DNAJB6: variants seen among roughly 807,000 people sequenced by gnomAD.
DNAJB6 encodes dnaJ homolog subfamily B member 6.
In DNAJB6, 16 loss-of-function variants were observed where a neutral mutation model predicts 42.7. The ratio of observed to expected loss-of-function variants is 0.37; its 90% CI spans 0.25 to 0.57. The LOEUF is 0.57. Ranked by LOEUF, DNAJB6 falls within the 20% of genes least tolerant of loss-of-function variation. DNAJB6 has a pLI of 0.74. For synonymous variants in DNAJB6, 170 were observed against 163.5 expected (o/e 1.04, Z -0.30); for missense variants, 347 against 416.8 (o/e 0.83, Z 1.46).
chr7:157,401,989 T>G (rs950578522), intron 8 of DNAJB6, among the ~76,000 whole-genome samples: 18 of 152,176 alleles, frequency 1.2e-4, no homozygotes, highest in African/African-American at 4.3e-4. Context: ...CAGAAGGCCT[T>G]GAGGGCTCCT....
At chr7:157,355,650 C>T (rs1397820784) in intron 1 of DNAJB6, among the ~76,000 whole-genome samples, 3 of 152,112 alleles carry the variant, frequency 2.0e-5, no homozygotes, top group African/African-American at 7.2e-5. Flanking sequence ...GGGGATGAGT[C>T]CAGGCAAGGA....
Position 157,382,261 on chromosome 7 carries a change from ACT to A in DNAJB6, c.363_364del (p.Phe122LeufsTer36), listed in dbSNP as rs1238397120. 6.2e-7 allele frequency: 1 copy of A among 1,601,178 alleles called. No homozygotes were observed. Among genetic ancestry groups the A allele is most frequent in the African/African-American group, 1.4e-5 (1 of 73,754 alleles). On this transcript the variant is annotated frameshift_variant, in exon 6 of 10. Transcript: ENST00000262177. LOFTEE classifies it high-confidence loss of function. ...TTGATTTTAGAAGACCCTTTTGAGG[ACT>A]TCTTTGGGAATCGAAGGGGTCCCCG... is the stretch of plus-strand genomic sequence containing the variant.
At chr7:157,340,405 A>G (rs1196538716) in intron 1 of DNAJB6, among the ~76,000 whole-genome samples, 1 of 152,214 alleles carries the variant, frequency 6.6e-6, no homozygotes. Flanking sequence ...GAGAATATCA[A>G]ACTCAAAAAA....
chr7:157,388,597 T>A (rs1286458800), intron 8 of DNAJB6, among the ~76,000 whole-genome samples: 2 of 150,882 alleles, frequency 1.3e-5, no homozygotes, highest in South Asian at 4.3e-4. Context: ...TTAAGTTTTA[T>A]TTTTAAAGTC....
intron 1 of DNAJB6, among the ~76,000 whole-genome samples, chr7:157,354,116 T>A (rs1208358347): frequency 6.6e-6 from 1 of 152,166 alleles, no homozygotes; most frequent in African/African-American, 2.4e-5. Context: ...TCTGTTGTGA[T>A]AATAATCTAC....
chr7:157,408,268 C>T (rs963176364), intron 8 of DNAJB6, among the ~76,000 whole-genome samples: 4 of 152,148 alleles, frequency 2.6e-5, no homozygotes, highest in Admixed American at 1.3e-4. Context: ...CCTGCGTTTA[C>T]GGTGCTTGGT....
intron 1 of DNAJB6, among the ~76,000 whole-genome samples, chr7:157,338,391 T>C (rs1798162547): frequency 6.6e-6 from 1 of 151,648 alleles, no homozygotes; most frequent in Non-Finnish European, 1.5e-5. Context: ...CAGAGTGCAG[T>C]GGCGCGATCT....
At chr7:157,353,349 A>G (rs1223126390) in intron 1 of DNAJB6, among the ~76,000 whole-genome samples, 2 of 152,148 alleles carry the variant, frequency 1.3e-5, no homozygotes, top group Admixed American at 1.3e-4. Flanking sequence ...TTTCCTGTAT[A>G]CCATTCACCC....
Position 157,409,901 on chromosome 7 carries a change from C to T in DNAJB6, c.798C>T (p.Ala266=), listed in dbSNP as rs775087124. 38 of 1,534,472 alleles carry T rather than the reference C, an allele frequency of 2.5e-5. 1 individual carries two copies. In the South Asian group the frequency reaches 3.0e-4, roughly 12 times the overall value. The change falls in exon 9 of 10, where the codon GCC becomes GCT. Residue 266 remains alanine, a synonymous_variant. Transcript: ENST00000262177. ...GLRPPKPPRP[A]SLLRHAPHCL... ...GCCCGCCGAAGCCGCCCCGGCCTGC[C>T]TCGCTGCTGAGACACGCGCCTCACT...
At chr7:157,339,336 C>T (rs1798222633) in intron 1 of DNAJB6, among the ~76,000 whole-genome samples, 2 of 139,238 alleles carry the variant, frequency 1.4e-5, no homozygotes, top group Admixed American at 1.6e-4. Context: ...CTCTGTCGCC[C>T]AGGCCGTAAT....
In DNAJB6 at chr7:157,416,279, C is replaced by A; in HGVS notation, c.*181C>A. The A allele has an allele frequency of 2.2e-6, 2 of 906,586 alleles. No homozygotes were observed. Among genetic ancestry groups the A allele is most frequent in the Non-Finnish European group, 3.2e-6 (2 of 615,790 alleles). The allele number at this position is 906,586 out of a possible 1,614,324, so 56.2% of individuals were successfully genotyped here. On this transcript the variant is annotated 3_prime_UTR_variant, in exon 10 of 10. Transcript: ENST00000262177. ...GGGTCAGGAGACGGGGCTGACGGCACGGGTGGCGGGGACAGACGTTTGGGA... is the reference window on the plus strand; with the variant it reads ...GGGTCAGGAGACGGGGCTGACGGCAAGGGTGGCGGGGACAGACGTTTGGGA...
chr7:157,388,564 A>G (rs1189087212), intron 8 of DNAJB6, among the ~76,000 whole-genome samples: 1 of 148,952 alleles, frequency 6.7e-6, no homozygotes, highest in Admixed American at 6.7e-5. Context: ...TTTGTGCTCA[A>G]CTTCCCTGTT....
intron 1 of DNAJB6, among the ~76,000 whole-genome samples, chr7:157,341,157 C>T (rs1563105108): frequency 6.6e-6 from 1 of 151,756 alleles, no homozygotes; most frequent in Admixed American, 6.6e-5. Context: ...GAGATGGAAT[C>T]TCATATTGCC....
intron 5 of DNAJB6, among the ~76,000 whole-genome samples, chr7:157,376,088 C>T (rs77136758): frequency 0.011 from 1,678 of 152,270 alleles, 30 homozygotes; most frequent in East Asian, 0.06. Flanking sequence ...TGGTGGGAAT[C>T]CCTTCGCTTC....
chr7:157,371,457 GCTCA>G (rs1259710260), intron 5 of DNAJB6, among the ~76,000 whole-genome samples: 1 of 152,252 alleles, frequency 6.6e-6, no homozygotes, highest in African/African-American at 2.4e-5. Context: ...ACCAGGCAGT[GCTCA>G]CTGTCACACT....
chr7:157,355,656 A>G (rs1199950453), intron 1 of DNAJB6, among the ~76,000 whole-genome samples: 4 of 152,180 alleles, frequency 2.6e-5, no homozygotes, highest in African/African-American at 7.2e-5. Flanking sequence ...GAGTCCAGGC[A>G]AGGAAGTGGA....
At chr7:157,395,120 A>AAAC (rs61674482) in intron 8 of DNAJB6, among the ~76,000 whole-genome samples, 17 of 148,992 alleles carry the variant, frequency 1.1e-4, no homozygotes, top group African/African-American at 3.7e-4. Flanking sequence ...CTCCCAAAAA[A>AAAC]CCCCAGAAAG....
At chr7:157,343,819 T>A (rs570564908) in intron 1 of DNAJB6, among the ~76,000 whole-genome samples, 2 of 152,326 alleles carry the variant, frequency 1.3e-5, no homozygotes, top group South Asian at 2.1e-4. Context: ...AGGTTATTTT[T>A]GATTAATGGC....
chr7:157,410,221 C>G, intron 9 of DNAJB6: 1 of 1,146,848 alleles, frequency 8.7e-7, no homozygotes, highest in Non-Finnish European at 1.2e-6. Context: ...AAAACGGGGT[C>G]CGCGTGTCCT....
Sources: allele counts gnomAD v4.1 joint callset (sites outside exome capture counted in the v4.1 genomes callset), GRCh38; gene constraint gnomAD v4.1.1; transcripts MANE v1.5; gene names NCBI Gene and HGNC (gene_info 2026-07-23, HGNC 2026-07-21).